ADGRL2: variants seen among roughly 807,000 people sequenced by gnomAD.
ADGRL2 encodes calcium-independent alpha-latrotoxin receptor 2.
A neutral mutation model predicts 157.4 loss-of-function variants in ADGRL2; 44 were observed. The observed-to-expected ratio is 0.28, with a 90% confidence interval of 0.22 to 0.36. ADGRL2 has a LOEUF of 0.36. Ranked by LOEUF, ADGRL2 falls within the 10% of genes least tolerant of loss-of-function variation. ADGRL2 has a pLI of 1.00. For missense variants in ADGRL2, 1,510 were observed against 1,768.9 expected (o/e 0.85, Z 2.63); for synonymous variants, 585 against 624.7 (o/e 0.94, Z 0.95).
At chr1:81,490,989 C>A (rs1428611510) in intron 2 of ADGRL2, among the ~76,000 whole-genome samples, 1 of 152,130 alleles carries the variant, frequency 6.6e-6, no homozygotes, top group East Asian at 1.9e-4. Context: ...AGAATCTGAC[C>A]TGTACTTTGT....
At chr1:81,896,786 A>G (rs1472817067) in intron 2 of ADGRL2, among the ~76,000 whole-genome samples, 1 of 152,202 alleles carries the variant, frequency 6.6e-6, no homozygotes, top group Non-Finnish European at 1.5e-5. Flanking sequence ...GTAAGGAGGT[A>G]ATATAAGTAC....
At chr1:81,935,382 T>G (rs2095295440) in intron 3 of ADGRL2, among the ~76,000 whole-genome samples, 1 of 152,020 alleles carries the variant, frequency 6.6e-6, no homozygotes, top group Non-Finnish European at 1.5e-5. Context: ...TTGTTTGAAG[T>G]TCATTGTAGT....
At chr1:81,394,803 G>A (rs150839651) in intron 1 of ADGRL2, among the ~76,000 whole-genome samples, 351 of 151,994 alleles carry the variant, frequency 2.3e-3, no homozygotes, top group Middle Eastern at 0.01. Context: ...TTCCATAATG[G>A]CTACACCATA....
chr1:81,981,342 T>C (rs1046268423), intron 18 of ADGRL2, among the ~76,000 whole-genome samples: 9 of 152,016 alleles, frequency 5.9e-5, no homozygotes, highest in African/African-American at 2.2e-4. Context: ...AAACCTTAGG[T>C]TCACCTAAGA....
At chr1:81,798,175 T>C (rs1204967753), upstream of ADGRL2, among the ~76,000 whole-genome samples, 1 of 152,124 alleles carries the variant, frequency 6.6e-6, no homozygotes, top group Non-Finnish European at 1.5e-5. Context: ...AACACCTGTA[T>C]TGTTATAAAT....
chr1:81,953,632 C>T (rs2149104935), intron 10 of ADGRL2, among the ~76,000 whole-genome samples: 1 of 152,208 alleles, frequency 6.6e-6, no homozygotes, highest in Middle Eastern at 3.4e-3. Flanking sequence ...AATCCCTGTC[C>T]ACTCCAGCCG....
At chr1:81,603,541 T>C (rs1224740652) in intron 3 of ADGRL2, among the ~76,000 whole-genome samples, 2 of 152,242 alleles carry the variant, frequency 1.3e-5, no homozygotes, top group African/African-American at 4.8e-5. Flanking sequence ...TCTGACATAC[T>C]AAGACAAATT....
intron 1 of ADGRL2, among the ~76,000 whole-genome samples, chr1:81,746,217 G>GA (rs2085241534): frequency 6.6e-6 from 1 of 152,038 alleles, no homozygotes; most frequent in Non-Finnish European, 1.5e-5. Context: ...TATATTAAAA[G>GA]AAAAATGTAT....
chr1:81,348,786 T>C (rs1422418344), intron 1 of ADGRL2, among the ~76,000 whole-genome samples: 1 of 152,186 alleles, frequency 6.6e-6, no homozygotes, highest in African/African-American at 2.4e-5. Context: ...TCCAGTGTAA[T>C]ACTGGGACAC....
intron 1 of ADGRL2, among the ~76,000 whole-genome samples, chr1:81,374,230 C>T (rs569465610): frequency 1.3e-5 from 2 of 152,236 alleles, no homozygotes; most frequent in Admixed American, 1.3e-4. Context: ...CACAACAAAG[C>T]CCCAACGTGA....
intron 2 of ADGRL2, among the ~76,000 whole-genome samples, chr1:81,776,882 T>C (rs1311821493): frequency 1.3e-5 from 2 of 152,196 alleles, no homozygotes; most frequent in Non-Finnish European, 2.9e-5. Context: ...AACATTAAAA[T>C]AACCTAGAAC....
At chr1:81,769,724 T>C (rs994683210) in intron 2 of ADGRL2, among the ~76,000 whole-genome samples, 46 of 152,170 alleles carry the variant, frequency 3.0e-4, no homozygotes, top group Non-Finnish European at 1.5e-4. Flanking sequence ...CTCACAAAAC[T>C]TGATTGAAAT....
In ADGRL2 at chr1:81,990,496, G is replaced by A. The variant is rs1006870973; in HGVS notation, c.3761G>A (p.Ser1254Asn). 7 of 1,613,996 alleles carry A rather than the reference G, an allele frequency of 4.3e-6. No individual in the cohort carries two copies. In the African/African-American group the frequency reaches 6.7e-5, roughly 15 times the overall value. ...YSLHKGDYNDSVQVVDCGLSL... is the reference protein window; with the variant it reads ...YSLHKGDYNDNVQVVDCGLSL... Reference sequence around the variant, plus strand: ...CTGCACAAGGGTGACTATAATGACAGCGTGCAAGTTGTGGACTGTGGACTA... The same window carrying A: ...CTGCACAAGGGTGACTATAATGACAACGTGCAAGTTGTGGACTGTGGACTA... The change falls in exon 24 of 24, where the codon AGC (serine) becomes AAC (asparagine). Residue 1254 changes from serine to asparagine, a missense_variant. Coordinates refer to ENST00000686636, the MANE Select transcript of ADGRL2 (RefSeq NM_001366006.2).
intron 2 of ADGRL2, among the ~76,000 whole-genome samples, chr1:81,875,122 G>A (rs1368045875): frequency 6.6e-6 from 1 of 152,104 alleles, no homozygotes; most frequent in Non-Finnish European, 1.5e-5. Context: ...AATCCCTGCA[G>A]CAAGTGACCT....
At chr1:81,334,221 A>G (rs909096973) in intron 1 of ADGRL2, among the ~76,000 whole-genome samples, 4 of 152,194 alleles carry the variant, frequency 2.6e-5, no homozygotes, top group African/African-American at 9.6e-5. Flanking sequence ...GAGCCTACAT[A>G]GGTTGCTCAT....
At chr1:81,597,290 C>T (rs1416263947) in intron 3 of ADGRL2, among the ~76,000 whole-genome samples, 1 of 152,068 alleles carries the variant, frequency 6.6e-6, no homozygotes, top group Non-Finnish European at 1.5e-5. Context: ...TTACATATTA[C>T]TTTCAGATAT....
chr1:81,842,258 T>C (rs575906445), intron 2 of ADGRL2, among the ~76,000 whole-genome samples: 167 of 152,178 alleles, frequency 1.1e-3, no homozygotes, highest in African/African-American at 3.9e-3. Context: ...TGGGAGTTAG[T>C]ATCTGTTTCT....
chr1:81,795,330 T>C (rs1335214494), intron 2 of ADGRL2, among the ~76,000 whole-genome samples: 1 of 152,116 alleles, frequency 6.6e-6, no homozygotes, highest in Non-Finnish European at 1.5e-5. Flanking sequence ...CAGTGAGCCA[T>C]GATTGTGCTA....
chr1:81,315,728 T>C (rs1423378804), intron 1 of ADGRL2, among the ~76,000 whole-genome samples: 1 of 151,836 alleles, frequency 6.6e-6, no homozygotes, highest in Non-Finnish European at 1.5e-5. Flanking sequence ...AGTATTAGAA[T>C]AGATAAGTTC....
Sources: gnomAD v4.1 joint callset for allele counts (sites outside exome capture counted in the v4.1 genomes callset) on GRCh38, gnomAD v4.1.1 for gene constraint, MANE v1.5 for transcripts, NCBI Gene and HGNC (gene_info 2026-07-23, HGNC 2026-07-21) for gene names.